Variants in KLRG1 observed in about 807,000 individuals in gnomAD.
KLRG1 encodes the protein killer cell lectin like receptor G1.
In KLRG1, 16 loss-of-function variants were observed where a neutral mutation model predicts 21.8. That is an observed-to-expected ratio of 0.73 (90% CI 0.50 to 1.11). The LOEUF (loss-of-function observed/expected upper bound fraction) is 1.11, where lower values mean the gene tolerates loss of function less well. Ranked by LOEUF, KLRG1 falls within the 50% of genes most tolerant of loss-of-function variation. The probability of loss-of-function intolerance (pLI) is 0.00; values close to 1 mark genes in which losing one functional copy is unlikely to be tolerated. For missense variants in KLRG1, 173 were observed against 218.3 expected, an observed-to-expected ratio of 0.79 and a Z score of 1.31; for synonymous variants, 69 against 75.9, an observed-to-expected ratio of 0.91 and a Z score of 0.47.
At chr12:8,961,372 G>GT (rs1340178451) in intron 1 of KLRG1, among the ~76,000 whole-genome samples, 1 of 152,220 alleles carries the variant, frequency 6.6e-6, no homozygotes, top group African/African-American at 2.4e-5. Flanking sequence ...CTGATAACAG[G>GT]TAACTGTGTT....
chr12:9,093,381 A>G, the KLRG1 span: 1 of 889,346 alleles, frequency 1.1e-6, no homozygotes, highest in Non-Finnish European at 1.9e-6. Context: ...CATATAAAAC[A>G]ATAAAAACAG....
the KLRG1 span, among the ~76,000 whole-genome samples, chr12:9,053,876 A>C: frequency 6.6e-6 from 1 of 152,184 alleles, no homozygotes; most frequent in Non-Finnish European, 1.5e-5. Context: ...ACCCCATAGG[A>C]GCTGACTCAC....
At position 8,997,909 on chromosome 12, in the gene KLRG1, C is replaced by T. The variant is rs942848483; in HGVS notation, c.357+2621C>T. 2.0e-5 allele frequency among the ~76,000 whole-genome samples: 3 copies of T among 152,114 alleles called. No individual in the cohort carries two copies. The East Asian group carries it at 5.8e-4, about 29-fold the overall frequency. On this transcript the variant is annotated intron_variant, in intron 3 of 4. Transcript: ENST00000356986. ...TCCAGCAATTCTCCTGCCTTAGCCT[C>T]CCAAGTAACTGGGGTTACAGGCGCC...
chr12:9,152,138 G>T, the KLRG1 span: 1 of 1,029,648 alleles, frequency 9.7e-7, no homozygotes, highest in Non-Finnish European at 1.5e-6. Context: ...ATGTTGACAT[G>T]GTTTTGATAT....
the KLRG1 span, among the ~76,000 whole-genome samples, chr12:9,065,522 G>A: frequency 3.3e-5 from 5 of 152,210 alleles, no homozygotes; most frequent in Non-Finnish European, 1.5e-5. Context: ...GCCCCCTGCC[G>A]TCTCGGCCCC....
chr12:9,201,968 A>G, the KLRG1 span, among the ~76,000 whole-genome samples: 1 of 152,196 alleles, frequency 6.6e-6, no homozygotes, highest in African/African-American at 2.4e-5. Flanking sequence ...ATACCTATAT[A>G]TTCATAAAAG....
chr12:9,126,841 A>G, the KLRG1 span, among the ~76,000 whole-genome samples: 2 of 152,328 alleles, frequency 1.3e-5, no homozygotes, highest in East Asian at 3.9e-4. Flanking sequence ...TCACCTGTCC[A>G]TTTAGTCTGT....
the KLRG1 span, among the ~76,000 whole-genome samples, chr12:9,130,371 C>T: frequency 2.6e-5 from 4 of 152,082 alleles, no homozygotes; most frequent in Admixed American, 6.5e-5. Context: ...GGAAACTTGA[C>T]GGTGTTTTCC....
the KLRG1 span, chr12:9,037,082 A>T: frequency 5.9e-6 from 1 of 170,222 alleles, no homozygotes; most frequent in South Asian, 1.5e-4. Flanking sequence ...TGTTTGCAAA[A>T]GTCAACAACT....
In KLRG1 at chr12:9,010,221, A is replaced by G; in HGVS notation, c.*684A>G. 1 of 517,530 alleles carries G rather than the reference A, an allele frequency of 1.9e-6. No homozygotes were observed. Among genetic ancestry groups the G allele is most frequent in the East Asian group, 3.1e-5 (1 of 31,778 alleles). The allele number at this position is 517,530 out of a possible 1,614,324, so 32.1% of individuals were successfully genotyped here. Reference sequence around the variant, plus strand: ...AAAAAATGCTAATGTGAGAATATAAATTGTGGGAAATGAGTGAGGGCAAGG... The same window carrying G: ...AAAAAATGCTAATGTGAGAATATAAGTTGTGGGAAATGAGTGAGGGCAAGG... On this transcript the variant is annotated 3_prime_UTR_variant, in exon 5 of 5. Coordinates refer to ENST00000356986, the MANE Select transcript of KLRG1 (RefSeq NM_005810.4).
chr12:9,168,530 G>T, the KLRG1 span: 1 of 203,444 alleles, frequency 4.9e-6, no homozygotes, highest in Non-Finnish European at 9.8e-6. Flanking sequence ...CCTTCTTTAT[G>T]TTTTTTAAAA....
At chr12:8,980,561 T>C (rs1029094261) in intron 1 of KLRG1, among the ~76,000 whole-genome samples, 2 of 152,200 alleles carry the variant, frequency 1.3e-5, no homozygotes, top group African/African-American at 2.4e-5. Flanking sequence ...CATGGTGCAC[T>C]GGGTCAGCAT....
the KLRG1 span, among the ~76,000 whole-genome samples, chr12:9,194,590 G>A: frequency 2.7e-5 from 4 of 150,336 alleles, no homozygotes; most frequent in Non-Finnish European, 5.9e-5. Context: ...TCAGCCTCCC[G>A]AGTAGCTGGG....
At chr12:9,138,738 G>A in the KLRG1 span, among the ~76,000 whole-genome samples, 1 of 151,828 alleles carries the variant, frequency 6.6e-6, no homozygotes, top group Non-Finnish European at 1.5e-5. Context: ...GTGTATTTGG[G>A]AATTTACACA....
chr12:8,999,817 T>C (rs1947252529), intron 3 of KLRG1, among the ~76,000 whole-genome samples: 1 of 152,114 alleles, frequency 6.6e-6, no homozygotes, highest in Non-Finnish European at 1.5e-5. Context: ...GATGGGTGAA[T>C]GATTTGAGGT....
At chr12:9,209,765 T>G in the KLRG1 span, among the ~76,000 whole-genome samples, 7 of 152,164 alleles carry the variant, frequency 4.6e-5, no homozygotes, top group Admixed American at 3.9e-4. Context: ...TAATCCATAT[T>G]TATGTAAATA....
At chr12:9,141,127 G>T in the KLRG1 span, among the ~76,000 whole-genome samples, 4 of 152,118 alleles carry the variant, frequency 2.6e-5, no homozygotes, top group Non-Finnish European at 4.4e-5. Context: ...TGTTACCTTT[G>T]TGGCATGCAA....
chr12:9,055,268 A>G, the KLRG1 span, among the ~76,000 whole-genome samples: 1 of 152,242 alleles, frequency 6.6e-6, no homozygotes, highest in South Asian at 2.1e-4. Flanking sequence ...CAGGCCAGTC[A>G]TTTTACCTGG....
chr12:9,110,044 G>A, the KLRG1 span: 102 of 1,598,522 alleles, frequency 6.4e-5, no homozygotes, highest in Non-Finnish European at 7.4e-5. Context: ...TCCTATATGA[G>A]TAAATTAATT....
Sources: gnomAD v4.1 joint callset for allele counts (sites outside exome capture counted in the v4.1 genomes callset) on GRCh38, gnomAD v4.1.1 for gene constraint, MANE v1.5 for transcripts, NCBI Gene and HGNC (gene_info 2026-07-23, HGNC 2026-07-21) for gene names.